Variants in MBD5 observed in about 807,000 individuals in gnomAD.
MBD5 encodes the protein methyl-CpG binding domain protein 5.
A neutral mutation model predicts 117.3 loss-of-function variants in MBD5; 13 were observed. That is an observed-to-expected ratio of 0.11 (90% confidence interval 0.07 to 0.18). The LOEUF is 0.18. Among genes scored for constraint, MBD5 ranks in the 10% least tolerant of loss-of-function variants. MBD5 has a pLI of 1.00. For missense variants in MBD5, 1,879 were observed against 2,093.8 expected, an observed-to-expected ratio of 0.90 and a Z score of 2.00; for synonymous variants, 727 against 766.4, an observed-to-expected ratio of 0.95 and a Z score of 0.85.
chr2:148,231,767 A>G (rs1167070424), intron 2 of MBD5, among the ~76,000 whole-genome samples: 4 of 152,224 alleles, frequency 2.6e-5, no homozygotes, highest in South Asian at 2.1e-4. Flanking sequence ...GATGTTGCAT[A>G]ATTATAGTAT....
At chr2:148,362,542 A>G (rs773526261) in intron 4 of MBD5, among the ~76,000 whole-genome samples, 2 of 152,328 alleles carry the variant, frequency 1.3e-5, no homozygotes, top group Non-Finnish European at 2.9e-5. Flanking sequence ...AGGGGAAAGG[A>G]ACAGCTGTGT....
At chr2:148,404,995 CTATTTA>C (rs1287665545) in intron 4 of MBD5, among the ~76,000 whole-genome samples, 1 of 152,066 alleles carries the variant, frequency 6.6e-6, no homozygotes, top group Non-Finnish European at 1.5e-5. Context: ...TTAAAGATTT[CTATTTA>C]TATCTTTAGG....
At chr2:148,245,956 T>C (rs1399771691) in intron 3 of MBD5, among the ~76,000 whole-genome samples, 3 of 152,142 alleles carry the variant, frequency 2.0e-5, no homozygotes, top group Non-Finnish European at 4.4e-5. Flanking sequence ...TAGATGAAAA[T>C]ATTAAACTGA....
chr2:148,487,957 A>G (rs936743378), intron 10 of MBD5, among the ~76,000 whole-genome samples: 2 of 152,226 alleles, frequency 1.3e-5, no homozygotes, highest in Non-Finnish European at 2.9e-5. Context: ...GCAAACTTTA[A>G]AATATGTAAG....
intron 3 of MBD5, among the ~76,000 whole-genome samples, chr2:148,254,826 G>A (rs1308634559): frequency 6.6e-6 from 1 of 152,150 alleles, no homozygotes; most frequent in Non-Finnish European, 1.5e-5. Flanking sequence ...GCGGTGCTTG[G>A]GCTGGGGGTA....
rs376673016 is a variant in MBD5, at chr2:148,512,993, G to A, written c.*52G>A. 11 of 1,469,938 alleles carry A rather than the reference G, an allele frequency of 7.5e-6. No individual in the cohort carries two copies. The highest frequency in any genetic ancestry group is 1.4e-5 in the African/African-American group (1 of 72,058). The allele number at this position is 1,469,938 out of a possible 1,614,324, so 91.1% of individuals were successfully genotyped here. A position where few individuals can be genotyped will look rare whatever the true frequency, so the allele number is the denominator to read the frequency against. On this transcript the variant is annotated 3_prime_UTR_variant, in exon 14 of 14. Transcript: ENST00000642680. ...GTTTATTAAAGGAACATGCACAGAT[G>A]TATCTGTATATAGGTATTGATATAG...
intron 1 of MBD5, among the ~76,000 whole-genome samples, chr2:148,170,940 A>C (rs561397377): frequency 6.6e-6 from 1 of 152,360 alleles, no homozygotes; most frequent in Admixed American, 6.5e-5. Flanking sequence ...GAATATGAAG[A>C]AACAGAAAAT....
intron 1 of MBD5, among the ~76,000 whole-genome samples, chr2:148,059,725 A>G (rs1468206340): frequency 1.3e-5 from 2 of 152,024 alleles, no homozygotes; most frequent in Non-Finnish European, 2.9e-5. Flanking sequence ...GGGCACCTGT[A>G]GTCCCAGCTA....
At chr2:148,252,178 A>G (rs74441470) in intron 3 of MBD5, among the ~76,000 whole-genome samples, 19,290 of 152,156 alleles carry the variant, frequency 0.13, 1,478 homozygotes, top group Non-Finnish European at 0.18. Context: ...ATTAAGAAAC[A>G]CTGTCTGGTC....
chr2:148,514,223 A>G lies in MBD5; in HGVS notation c.*1282A>G, dbSNP rs1365204752. The G allele has an allele frequency of 4.6e-5, 7 of 152,198 alleles. No individual in the cohort carries two copies. The highest frequency in any genetic ancestry group is 7.3e-5 in the Non-Finnish European group (5 of 68,032). The allele number at this position is 152,198 out of a possible 1,614,324, so 9.4% of individuals were successfully genotyped here. ...TAAATCTATTAACCAAATTATTTAT[A>G]TTATATTAAGTAAGAAAAAATGTGA... On this transcript the variant is annotated 3_prime_UTR_variant, in exon 14 of 14. Transcript: ENST00000642680.
intron 12 of MBD5, among the ~76,000 whole-genome samples, chr2:148,504,953 G>A (rs1358132808): frequency 6.6e-6 from 1 of 152,126 alleles, no homozygotes; most frequent in Non-Finnish European, 1.5e-5. Flanking sequence ...TTCACCTTAG[G>A]TATGGCCGTG....
At chr2:148,374,718 C>T (rs908003358) in intron 4 of MBD5, among the ~76,000 whole-genome samples, 2 of 152,066 alleles carry the variant, frequency 1.3e-5, no homozygotes, top group Non-Finnish European at 2.9e-5. Flanking sequence ...AGAAGATGAT[C>T]GCTCAGGCAG....
chr2:148,077,089 A>C (rs1695527618), intron 1 of MBD5, among the ~76,000 whole-genome samples: 1 of 152,226 alleles, frequency 6.6e-6, no homozygotes, highest in South Asian at 2.1e-4. Flanking sequence ...CACAGAAAAA[A>C]GTTTGCTGAC....
At chr2:148,294,785 C>T (rs575473562) in intron 3 of MBD5, among the ~76,000 whole-genome samples, 49 of 152,160 alleles carry the variant, frequency 3.2e-4, no homozygotes, top group African/African-American at 1.1e-3. Flanking sequence ...GGATTACAGG[C>T]GTGAGCCACC....
chr2:148,397,895 A>T (rs1216999587), intron 4 of MBD5, among the ~76,000 whole-genome samples: 4 of 151,202 alleles, frequency 2.6e-5, no homozygotes, highest in Non-Finnish European at 4.4e-5. Context: ...GAGTGAGAAC[A>T]TGCAGTGTTT....
chr2:148,441,206 TA>T (rs1706311257), intron 4 of MBD5, among the ~76,000 whole-genome samples: 1 of 152,118 alleles, frequency 6.6e-6, no homozygotes, highest in South Asian at 2.1e-4. Flanking sequence ...CTGCACCCAT[TA>T]ACTCGTCATT....
chr2:148,415,028 T>A (rs558307618), intron 4 of MBD5, among the ~76,000 whole-genome samples: 1 of 152,330 alleles, frequency 6.6e-6, no homozygotes, highest in African/African-American at 2.4e-5. Flanking sequence ...CTGGTTATTA[T>A]GCAGATTTGA....
intron 4 of MBD5, among the ~76,000 whole-genome samples, chr2:148,387,236 G>C (rs1028539526): frequency 2.0e-5 from 3 of 151,996 alleles, no homozygotes; most frequent in African/African-American, 7.2e-5. Flanking sequence ...GGCATCCAAA[G>C]AATACAAGTA....
intron 1 of MBD5, among the ~76,000 whole-genome samples, chr2:148,142,127 T>A (rs1697333570): frequency 6.6e-6 from 1 of 152,126 alleles, no homozygotes; most frequent in African/African-American, 2.4e-5. Context: ...CCTATCGTAT[T>A]GCAAATGGGA....
Sources: allele counts gnomAD v4.1 joint callset (sites outside exome capture counted in the v4.1 genomes callset), GRCh38; gene constraint gnomAD v4.1.1; transcripts MANE v1.5; gene names NCBI Gene and HGNC (gene_info 2026-07-23, HGNC 2026-07-21).